STPG2: variants seen among roughly 807,000 people sequenced by gnomAD.
The protein encoded by STPG2 is sperm tail PG-rich repeat containing 2.
A neutral mutation model predicts 54.2 loss-of-function variants in STPG2; 56 were observed. The ratio of observed to expected loss-of-function variants is 1.03; its 90% CI spans 0.83 to 1.29. The LOEUF (loss-of-function observed/expected upper bound fraction) is 1.29, where lower values mean the gene tolerates loss of function less well. STPG2 is among the 50% of genes most tolerant of loss of function. The pLI is 0.00. For synonymous variants in STPG2, 200 were observed against 181.8 expected, an observed-to-expected ratio of 1.10 and a Z score of -0.81; for missense variants, 596 against 544.9, an observed-to-expected ratio of 1.09 and a Z score of -0.93.
At chr4:97,749,567 G>A (rs1463757422) in intron 9 of STPG2, among the ~76,000 whole-genome samples, 1 of 151,652 alleles carries the variant, frequency 6.6e-6, no homozygotes, top group African/African-American at 2.4e-5. Flanking sequence ...GTAGGCCAAA[G>A]TAAAAAAATA....
At chr4:97,443,025 T>C (rs906334263) in intron 4 of STPG2, among the ~76,000 whole-genome samples, 2 of 152,106 alleles carry the variant, frequency 1.3e-5, no homozygotes, top group African/African-American at 4.8e-5. Context: ...TGGCAAAGAA[T>C]AACTTGTTGC....
chr4:97,470,455 T>C (rs1333647130), intron 4 of STPG2, among the ~76,000 whole-genome samples: 1 of 152,120 alleles, frequency 6.6e-6, no homozygotes, highest in Non-Finnish European at 1.5e-5. Flanking sequence ...TTATACAACA[T>C]GTAATCTTTA....
At chr4:98,120,916 G>C (rs1739661469) in intron 3 of STPG2, among the ~76,000 whole-genome samples, 8 of 152,098 alleles carry the variant, frequency 5.3e-5, no homozygotes, top group Admixed American at 3.3e-4. Flanking sequence ...TTAGGTCCCA[G>C]TTGTCAATTT....
At position 97,621,927 on chromosome 4, in the gene STPG2, C is replaced by A. The variant is rs187137532; in HGVS notation, c.1321-62810G>T. Among the ~76,000 whole-genome samples the A allele has an allele frequency of 1.2e-3, 189 of 152,278 alleles. 3 individuals carry two copies. Among genetic ancestry groups the A allele is most frequent in the East Asian group, 0.012 (64 of 5,184 alleles). ...ACCAGTGCATCAAAAAACTAATCCA[C>A]CATATCAAGTAGGCTTTATCCTTGG... is the stretch of plus-strand genomic sequence containing the variant. On this transcript the variant is annotated intron_variant, in intron 10 of 10. Transcript: ENST00000295268.
chr4:97,780,026 C>T (rs541788356), intron 9 of STPG2, among the ~76,000 whole-genome samples: 8 of 148,856 alleles, frequency 5.4e-5, no homozygotes, highest in East Asian at 4.0e-4. Context: ...GCATCAATAA[C>T]GAGCAAAATA....
chr4:97,513,251 T>C (rs1731009670), intron 4 of STPG2, among the ~76,000 whole-genome samples: 1 of 152,068 alleles, frequency 6.6e-6, no homozygotes, highest in Non-Finnish European at 1.5e-5. Context: ...TTTCATGGCT[T>C]CTCTAGGCAT....
chr4:97,603,692 T>A (rs1003071148), intron 10 of STPG2, among the ~76,000 whole-genome samples: 4 of 151,618 alleles, frequency 2.6e-5, no homozygotes, highest in African/African-American at 7.2e-5. Flanking sequence ...AAATCATGGA[T>A]GAACCTTGAG....
intron 5 of STPG2, among the ~76,000 whole-genome samples, chr4:98,004,043 CTT>C (rs146870729): frequency 0.44 from 66,361 of 151,526 alleles, 15,055 homozygotes; most frequent in Admixed American, 0.56. Flanking sequence ...AAGAGCTACT[CTT>C]TTAGCAACTT....
At chr4:97,561,237 C>A (rs1008666189) in intron 10 of STPG2, among the ~76,000 whole-genome samples, 1 of 152,128 alleles carries the variant, frequency 6.6e-6, no homozygotes, top group African/African-American at 2.4e-5. Context: ...TTTATGGCTG[C>A]ATAAATGTCT....
rs566402927 is a variant in STPG2 at position 98,050,043 on chromosome 4, A to G, written c.612+55910T>C. 1.8e-4 allele frequency among the ~76,000 whole-genome samples: 27 copies of G among 152,316 alleles called. No homozygotes were observed. The South Asian group carries it at 4.1e-3, about 23-fold the overall frequency. ...GATAAATATAATATAATGAAGAGAT[A>G]GAGAGGAAGCATATGTATTTTTACA... On this transcript the variant is annotated intron_variant, in intron 5 of 10. Coordinates refer to ENST00000295268, the MANE Select transcript of STPG2 (RefSeq NM_174952.3).
At chr4:97,836,008 A>G (rs1728619981) in intron 9 of STPG2, among the ~76,000 whole-genome samples, 1 of 152,224 alleles carries the variant, frequency 6.6e-6, no homozygotes, top group African/African-American at 2.4e-5. Context: ...GTTTCTTGAA[A>G]TGGGATTTAC....
Position 98,028,537 on chromosome 4 carries a change from G to T in STPG2, c.613-47219C>A, listed in dbSNP as rs994269861. On this transcript the variant is annotated intron_variant, in intron 5 of 10. Transcript: ENST00000295268. ...TCTTCTGATCCTTCACTAGCAGTAA[G>T]TATCTTTAACGTCCATATTTCTACC... Among the ~76,000 whole-genome samples, 3 of 152,238 alleles carry T rather than the reference G, an allele frequency of 2.0e-5. No individual in the cohort carries two copies. In the Middle Eastern group the frequency reaches 0.01, roughly 518 times the overall value.
At chr4:97,716,817 ATGGTGGT>A (rs1724305262) in intron 9 of STPG2, among the ~76,000 whole-genome samples, 1 of 151,736 alleles carries the variant, frequency 6.6e-6, no homozygotes, top group Admixed American at 6.6e-5. Flanking sequence ...GCCACGTGCC[ATGGTGGT>A]GCCTATGAAA....
chr4:97,863,168 T>G lies in STPG2; in HGVS notation c.1045-22236A>C, dbSNP rs549067433. Reference sequence around the variant, plus strand: ...TCAATGAATCCAGGAGCCAGTTTTTTGAAAAGATCAATGAAATTGATAGAC... The same window carrying G: ...TCAATGAATCCAGGAGCCAGTTTTTGGAAAAGATCAATGAAATTGATAGAC... On this transcript the variant is annotated intron_variant, in intron 8 of 10. Transcript: ENST00000295268. Among the ~76,000 whole-genome samples the G allele has an allele frequency of 2.3e-4, 35 of 152,136 alleles. No individual in the cohort carries two copies. In the South Asian group the frequency reaches 7.1e-3, roughly 31 times the overall value.
chr4:97,864,677 C>T (rs1463899823), intron 8 of STPG2, among the ~76,000 whole-genome samples: 1 of 152,124 alleles, frequency 6.6e-6, no homozygotes, highest in Non-Finnish European at 1.5e-5. Context: ...CATCACACTA[C>T]CTGACTTCAA....
rs960329225 is a variant in STPG2, at chr4:97,458,630, G to A, written c.462+254069C>T. Among the ~76,000 whole-genome samples, 5 of 152,102 alleles carry A rather than the reference G, an allele frequency of 3.3e-5. No individual in the cohort carries two copies. In the East Asian group the frequency reaches 5.8e-4, roughly 18 times the overall value. On this transcript the variant is annotated intron_variant, in intron 4 of 4. Transcript: ENST00000522676. The stretch of plus-strand genomic sequence containing the variant: ...AGTAACTAAATATATTTTTCCCCTG[G>A]AGTGATTAATGCCTTTTCAAAGCAC...
intron 2 of STPG2, among the ~76,000 whole-genome samples, chr4:98,131,303 T>C (rs910277984): frequency 6.6e-6 from 1 of 152,156 alleles, no homozygotes; most frequent in Admixed American, 6.5e-5. Flanking sequence ...TTATACTGAA[T>C]TTCATTCGTT....
rs1448153043 is a variant in STPG2 at position 97,588,200 on chromosome 4, A to C, written c.1321-29083T>G. ...CAAGATCAGCCTGGCCAATATGACGAACCCCATCTCTAGAGAAATAAATCA... is the reference window on the plus strand; with the variant it reads ...CAAGATCAGCCTGGCCAATATGACGCACCCCATCTCTAGAGAAATAAATCA... On this transcript the variant is annotated intron_variant, in intron 10 of 10. Coordinates refer to ENST00000295268, the MANE Select transcript of STPG2 (RefSeq NM_174952.3). Among the ~76,000 whole-genome samples, 7 of 151,980 alleles carry C rather than the reference A, an allele frequency of 4.6e-5. No homozygotes were observed. The East Asian group carries it at 1.4e-3, about 29-fold the overall frequency.
At chr4:98,142,273 A>C (rs1370168450) in intron 1 of STPG2, among the ~76,000 whole-genome samples, 1 of 152,186 alleles carries the variant, frequency 6.6e-6, no homozygotes, top group East Asian at 1.9e-4. Flanking sequence ...GGATCCTGGC[A>C]TTTGCTTGAA....
Sources: gnomAD v4.1 joint callset for allele counts (sites outside exome capture counted in the v4.1 genomes callset) on GRCh38, gnomAD v4.1.1 for gene constraint, MANE v1.5 for transcripts, NCBI Gene and HGNC (gene_info 2026-07-23, HGNC 2026-07-21) for gene names.